Variants in COL25A1 observed in about 807,000 individuals in gnomAD.
COL25A1 encodes collagen alpha-1(XXV) chain.
Under a neutral mutation model 128.4 loss-of-function variants are expected in COL25A1, and 103 were observed. The observed-to-expected ratio is 0.80, with a 90% CI of 0.68 to 0.94. The LOEUF is 0.94. Among genes scored for constraint, COL25A1 ranks in the 40% least tolerant of loss-of-function variants. COL25A1 has a pLI of 0.00. For missense variants in COL25A1, 745 were observed against 840.0 expected (o/e 0.89, Z 1.40); for synonymous variants, 279 against 277.2 (o/e 1.01, Z -0.06).
At chr4:108,964,572 T>G (rs1751090396) in intron 8 of COL25A1, among the ~76,000 whole-genome samples, 1 of 152,126 alleles carries the variant, frequency 6.6e-6, no homozygotes, top group Admixed American at 6.5e-5. Context: ...ATCTCTTTTT[T>G]TCATATTTGA....
intron 3 of COL25A1, among the ~76,000 whole-genome samples, chr4:109,173,336 C>T (rs912886194): frequency 1.3e-5 from 2 of 152,144 alleles, no homozygotes; most frequent in African/African-American, 4.8e-5. Flanking sequence ...AATGCTCCAG[C>T]CTCAGCCTCC....
intron 3 of COL25A1, among the ~76,000 whole-genome samples, chr4:109,152,803 G>A (rs182946727): frequency 6.6e-6 from 1 of 152,228 alleles, no homozygotes; most frequent in Non-Finnish European, 1.5e-5. Context: ...TTTATATGAG[G>A]TACCTACAGT....
chr4:109,203,434 C>A (rs1776727373), intron 3 of COL25A1, among the ~76,000 whole-genome samples: 1 of 151,800 alleles, frequency 6.6e-6, no homozygotes, highest in Non-Finnish European at 1.5e-5. Context: ...TGGAGTCCAC[C>A]AAATCCAGAG....
At chr4:109,138,145 C>T (rs999703096) in intron 3 of COL25A1, among the ~76,000 whole-genome samples, 1 of 152,054 alleles carries the variant, frequency 6.6e-6, no homozygotes, top group Non-Finnish European at 1.5e-5. Context: ...TTGCTCCCAT[C>T]CCCCTGACAG....
At chr4:108,994,285 G>C (rs964021099) in intron 6 of COL25A1, among the ~76,000 whole-genome samples, 7 of 152,190 alleles carry the variant, frequency 4.6e-5, no homozygotes, top group African/African-American at 1.7e-4. Flanking sequence ...CTTAACAACT[G>C]GCAGAACAGA....
chr4:108,873,568 T>TAGC (rs56811703), intron 19 of COL25A1, among the ~76,000 whole-genome samples: 34,140 of 144,316 alleles, frequency 0.24, 4,246 homozygotes, highest in Middle Eastern at 0.3. Context: ...GTAGCAGCAG[T>TAGC]AGCAGCAGTA....
chr4:108,999,028 G>A (rs1755069841), intron 6 of COL25A1, among the ~76,000 whole-genome samples: 2 of 152,134 alleles, frequency 1.3e-5, no homozygotes, highest in African/African-American at 4.8e-5. Flanking sequence ...GAAAACCTAA[G>A]CAATACCATT....
intron 36 of COL25A1, among the ~76,000 whole-genome samples, chr4:108,817,768 A>G (rs2125705694): frequency 6.6e-6 from 1 of 152,270 alleles, no homozygotes; most frequent in Non-Finnish European, 1.5e-5. Context: ...CCATTAAAAC[A>G]CATCTCACTG....
chr4:108,922,869 A>G (rs1745630959), intron 11 of COL25A1, among the ~76,000 whole-genome samples: 1 of 152,208 alleles, frequency 6.6e-6, no homozygotes, highest in African/African-American at 2.4e-5. Flanking sequence ...GCTGCCAAGA[A>G]TATATTCAGT....
intron 31 of COL25A1, chr4:108,838,138 T>A: frequency 6.4e-7 from 1 of 1,550,430 alleles, no homozygotes; most frequent in Non-Finnish European, 8.7e-7. Context: ...TTGACCTGGT[T>A]CACCCTTCAA....
chr4:108,914,115 G>A (rs1744587722), intron 13 of COL25A1, among the ~76,000 whole-genome samples: 1 of 152,108 alleles, frequency 6.6e-6, no homozygotes, highest in African/African-American at 2.4e-5. Flanking sequence ...TGCCCTAACT[G>A]CTTGGTTGGT....
chr4:108,941,533 C>T (rs1748094611), intron 8 of COL25A1, 96 bp from the exon 9 acceptor site: 1 of 842,224 alleles, frequency 1.2e-6, no homozygotes, highest in Non-Finnish European at 2.0e-6. Flanking sequence ...AAGATATCCA[C>T]ATTAGACTTA....
intron 13 of COL25A1, among the ~76,000 whole-genome samples, chr4:108,907,654 A>G (rs1176911401): frequency 1.3e-5 from 2 of 152,218 alleles, no homozygotes; most frequent in African/African-American, 4.8e-5. Context: ...CAGAGACAAA[A>G]AGCCACAAAG....
At chr4:109,014,679 T>C (rs1757047539) in intron 5 of COL25A1, among the ~76,000 whole-genome samples, 2 of 152,202 alleles carry the variant, frequency 1.3e-5, no homozygotes, top group African/African-American at 4.8e-5. Flanking sequence ...TATATAGGCA[T>C]TGAAGAATTT....
intron 13 of COL25A1, among the ~76,000 whole-genome samples, chr4:108,904,605 A>C (rs1224090784): frequency 2.0e-5 from 3 of 152,058 alleles, no homozygotes; most frequent in Non-Finnish European, 4.4e-5. Flanking sequence ...GGTACAAACA[A>C]AAAAAATGGG....
chr4:109,166,510 C>T (rs2126125951), intron 3 of COL25A1, among the ~76,000 whole-genome samples: 1 of 152,244 alleles, frequency 6.6e-6, no homozygotes, highest in African/African-American at 2.4e-5. Context: ...TTACTTTTGC[C>T]TCCCAAACAA....
intron 3 of COL25A1, among the ~76,000 whole-genome samples, chr4:109,219,501 C>G (rs1778272084): frequency 6.6e-6 from 1 of 152,066 alleles, no homozygotes; most frequent in Non-Finnish European, 1.5e-5. Context: ...CTGGTTCTCA[C>G]CCTCCTCAAT....
At chr4:108,886,480 G>GTTTTTTTTTTTTT (rs1740812579) in intron 18 of COL25A1, among the ~76,000 whole-genome samples, 2 of 127,236 alleles carry the variant, frequency 1.6e-5, no homozygotes, top group Admixed American at 1.7e-4. Flanking sequence ...GTGTGTGTGT[G>GTTTTTTTTTTTTT]TGTGTGTGTG....
intron 3 of COL25A1, among the ~76,000 whole-genome samples, chr4:109,069,630 T>C (rs954868856): frequency 6.6e-6 from 1 of 152,148 alleles, no homozygotes; most frequent in Non-Finnish European, 1.5e-5. Context: ...ATGGCAAACA[T>C]TTGTGACTAC....
Sources: gnomAD v4.1 joint callset for allele counts (sites outside exome capture counted in the v4.1 genomes callset) on GRCh38, gnomAD v4.1.1 for gene constraint, MANE v1.5 for transcripts, NCBI Gene and HGNC (gene_info 2026-07-23, HGNC 2026-07-21) for gene names.